FNTA: variants seen among roughly 807,000 people sequenced by gnomAD.
FNTA encodes protein farnesyltransferase/geranylgeranyltransferase type-1 subunit alpha.
A neutral mutation model predicts 55.2 loss-of-function variants in FNTA; 27 were observed. That is an observed-to-expected ratio of 0.49 (90% CI 0.36 to 0.67). The LOEUF is 0.67. FNTA is among the 30% of genes least tolerant of loss of function. FNTA has a pLI of 0.00. For synonymous variants in FNTA, 176 were observed against 170.7 expected, an observed-to-expected ratio of 1.03 and a Z score of -0.24; for missense variants, 422 against 464.7, an observed-to-expected ratio of 0.91 and a Z score of 0.85.
intron 2 of FNTA, among the ~76,000 whole-genome samples, chr8:43,061,455 A>G (rs1484844014): frequency 6.6e-6 from 1 of 152,238 alleles, no homozygotes; most frequent in East Asian, 1.9e-4. Flanking sequence ...TTTACATAAA[A>G]TAGTAGAATA....
At chr8:43,067,139 A>G (rs1197282662) in intron 3 of FNTA, among the ~76,000 whole-genome samples, 1 of 152,112 alleles carries the variant, frequency 6.6e-6, no homozygotes, top group Non-Finnish European at 1.5e-5. Flanking sequence ...AGATTTTTCC[A>G]GAGAATAAAG....
intron 7 of FNTA, among the ~76,000 whole-genome samples, chr8:43,083,731 G>T (rs989708949): frequency 6.6e-6 from 1 of 152,190 alleles, no homozygotes; most frequent in African/African-American, 2.4e-5. Flanking sequence ...TGTGTCAGGG[G>T]AGGTGCCTGT....
intron 4 of FNTA, among the ~76,000 whole-genome samples, chr8:43,070,978 A>G (rs1810775276): frequency 6.6e-6 from 1 of 152,216 alleles, no homozygotes; most frequent in Non-Finnish European, 1.5e-5. Context: ...GAAGATTTCT[A>G]AAATAAATTT....
rs1810934148 is a variant in FNTA, at chr8:43,077,305, C to T, written c.723C>T (p.Tyr241=). The T allele has an allele frequency of 2.5e-6, 4 of 1,613,114 alleles. No individual in the cohort carries two copies. The highest frequency in any genetic ancestry group is 1.7e-4 in the Middle Eastern group (1 of 6,060). The part of the protein sequence containing the change: ...VRNNSVWNQR[Y]FVISNTTGYN... ...ATAACTCTGTCTGGAACCAAAGATA[C>T]TTCGTTATTTCTAACACCACTGGCT... Residue 241 remains tyrosine (Y), a synonymous_variant, in exon 6 of 9, where the codon TAC becomes TAT. Transcript: ENST00000302279.
chr8:43,070,923 C>A (rs991040550), intron 4 of FNTA, among the ~76,000 whole-genome samples: 1 of 152,206 alleles, frequency 6.6e-6, no homozygotes, highest in Non-Finnish European at 1.5e-5. Context: ...ACTGAACTCA[C>A]CAGCAACCTG....
At chr8:43,069,833 G>A (rs1034119333) in intron 4 of FNTA, among the ~76,000 whole-genome samples, 174 bp downstream of exon 4, 31 of 151,936 alleles carry the variant, frequency 2.0e-4, no homozygotes, top group Non-Finnish European at 3.8e-4. Flanking sequence ...TAGTAGAGAC[G>A]GGGTTTTGCC....
In FNTA at chr8:43,072,165, C is replaced by T. The variant is rs1810807361; in HGVS notation, c.507-16C>T. On this transcript the variant is annotated splice_polypyrimidine_tract_variant and intron_variant, in intron 4 of 8. Coordinates refer to ENST00000302279, the MANE Select transcript of FNTA (RefSeq NM_002027.3). Reference sequence around the variant, plus strand: ...GTAAATTAACAAAAAACTTCTCTCCCTTCTTTGGGCTTTAGGCATCATAGG... The same window carrying T: ...GTAAATTAACAAAAAACTTCTCTCCTTTCTTTGGGCTTTAGGCATCATAGG... 6.8e-7 allele frequency: 1 copy of T among 1,470,294 alleles called. No homozygotes were observed. Among genetic ancestry groups the T allele is most frequent in the Admixed American group, 2.5e-5 (1 of 40,472 alleles). 91.1% of individuals were successfully genotyped at this position (1,470,294 alleles called of 1,614,324 possible).
chr8:43,076,931 C>T (rs1810925351), intron 5 of FNTA: 1 of 244,830 alleles, frequency 4.1e-6, no homozygotes, highest in East Asian at 8.2e-5. Flanking sequence ...TATATCTATA[C>T]TGTGGTCACT....
intron 4 of FNTA, among the ~76,000 whole-genome samples, chr8:43,070,821 C>T (rs886108482): frequency 6.6e-6 from 1 of 152,170 alleles, no homozygotes; most frequent in Non-Finnish European, 1.5e-5. Flanking sequence ...AACATAAAGC[C>T]GTGTAACTCC....
At chr8:43,069,703 G>T in intron 4 of FNTA, 44 bp downstream of exon 4, 3 of 1,234,782 alleles carry the variant, frequency 2.4e-6, no homozygotes, top group South Asian at 2.4e-5. Flanking sequence ...GGAGTGCAGT[G>T]GCATGACCTC....
intron 8 of FNTA, 53 bp downstream of exon 8, chr8:43,084,934 C>A: frequency 1.3e-6 from 2 of 1,484,706 alleles, no homozygotes; most frequent in Non-Finnish European, 1.9e-6. Context: ...AATTGATCTG[C>A]CCAATACCAC....
Position 43,077,248 on chromosome 8 carries a change from T to C in FNTA, c.666T>C (p.Tyr222=), listed in dbSNP as rs368125629. The C allele has an allele frequency of 2.8e-5, 45 of 1,611,914 alleles. No individual in the cohort carries two copies. The highest frequency in any genetic ancestry group is 3.6e-5 in the Non-Finnish European group (43 of 1,178,676). Residue 222 remains tyrosine, a synonymous_variant, in exon 6 of 9, where the codon TAT becomes TAC. Coordinates refer to ENST00000302279, the MANE Select transcript of FNTA (RefSeq NM_002027.3). The part of the protein sequence containing the change: ...EFKLWDNELQ[Y]VDQLLKEDVR... ...AACTTTGGGATAATGAGCTGCAGTA[T>C]GTGGACCAACTTCTGAAAGAGGATG...
intron 5 of FNTA, 22 bp downstream of exon 5, chr8:43,072,329 GT>G: frequency 2.0e-6 from 3 of 1,497,206 alleles, no homozygotes; most frequent in Non-Finnish European, 2.7e-6. Flanking sequence ...CTTGTACAGT[GT>G]TTTTCAGATT....
chr8:43,069,481 TA>T (rs1441670756), intron 3 of FNTA, 73 bp from the exon 4 acceptor site: 14 of 921,294 alleles, frequency 1.5e-5, no homozygotes, highest in Non-Finnish European at 2.3e-5. Flanking sequence ...TGCTGACTTG[TA>T]GCTGTATTTG....
intron 2 of FNTA, among the ~76,000 whole-genome samples, chr8:43,062,205 G>A (rs962244574): frequency 1.3e-5 from 2 of 150,306 alleles, no homozygotes; most frequent in Non-Finnish European, 3.0e-5. Flanking sequence ...GTGTGTGTAA[G>A]ATAATGTATT....
At chr8:43,064,470 G>A (rs977039796) in intron 3 of FNTA, among the ~76,000 whole-genome samples, 1 of 151,730 alleles carries the variant, frequency 6.6e-6, no homozygotes, top group African/African-American at 2.4e-5. Flanking sequence ...CCACCACCAC[G>A]CCCAGCTAAT....
chr8:43,061,142 C>T (rs900768372), intron 2 of FNTA, among the ~76,000 whole-genome samples: 1 of 152,156 alleles, frequency 6.6e-6, no homozygotes, highest in Non-Finnish European at 1.5e-5. Flanking sequence ...TGGGATTTTT[C>T]GAATGTTTAG....
intron 3 of FNTA, among the ~76,000 whole-genome samples, chr8:43,067,095 G>A (rs1369847387): frequency 3.9e-5 from 6 of 152,016 alleles, no homozygotes; most frequent in Admixed American, 3.9e-4. Flanking sequence ...AACTCACCCT[G>A]CCTTCCAGTG....
intron 5 of FNTA, among the ~76,000 whole-genome samples, chr8:43,074,196 T>A (rs1190493962): frequency 6.6e-6 from 1 of 152,202 alleles, no homozygotes; most frequent in East Asian, 1.9e-4. Context: ...TTCATGTATA[T>A]CTCATTTATA....
Sources: gnomAD v4.1 joint callset for allele counts (sites outside exome capture counted in the v4.1 genomes callset) on GRCh38, gnomAD v4.1.1 for gene constraint, MANE v1.5 for transcripts, NCBI Gene and HGNC (gene_info 2026-07-23, HGNC 2026-07-21) for gene names.